Variants in NFIA observed in about 807,000 individuals in gnomAD.
NFIA encodes nuclear factor I A.
NFIA carries 8 observed loss-of-function variants against 62.8 expected under a neutral mutation model. The ratio of observed to expected loss-of-function variants is 0.13; its 90% confidence interval spans 0.07 to 0.23. The LOEUF is 0.23. Among genes scored for constraint, NFIA ranks in the 10% least tolerant of loss-of-function variants. The pLI is 1.00. For synonymous variants in NFIA, 235 were observed against 238.1 expected (o/e 0.99, Z 0.12); for missense variants, 410 against 642.1 (o/e 0.64, Z 3.91).
At chr1:61,197,234 CTTTTTTT>C (rs1002158986) in intron 2 of NFIA, among the ~76,000 whole-genome samples, 1 of 93,388 alleles carries the variant, frequency 1.1e-5, no homozygotes, top group Non-Finnish European at 2.0e-5. Context: ...TACTCTGGTT[CTTTTTTT>C]TTTTTTTTTT....
upstream of NFIA, chr1:61,082,129 C>A: frequency 8.1e-7 from 1 of 1,238,612 alleles, no homozygotes. Context: ...CCTGTGGCAG[C>A]CTATAGCTGC....
At chr1:61,281,220 A>G (rs550189167) in intron 3 of NFIA, among the ~76,000 whole-genome samples, 50 of 151,666 alleles carry the variant, frequency 3.3e-4, no homozygotes, top group Admixed American at 3.9e-4. Flanking sequence ...CCTGGGTGAC[A>G]GAGCAAGACT....
At chr1:61,415,135 G>A (rs1245373315) in intron 9 of NFIA, among the ~76,000 whole-genome samples, 1 of 152,120 alleles carries the variant, frequency 6.6e-6, no homozygotes, top group East Asian at 1.9e-4. Context: ...GATAAGAGTG[G>A]CATTTTATAT....
chr1:61,235,979 G>T lies in NFIA; in HGVS notation c.560-41541G>T, dbSNP rs1476048851. Among the ~76,000 whole-genome samples, 3 of 152,144 alleles carry T rather than the reference G, an allele frequency of 2.0e-5. No individual in the cohort carries two copies. In the East Asian group the frequency reaches 5.8e-4, roughly 29 times the overall value. On this transcript the variant is annotated intron_variant, in intron 2 of 10. Coordinates refer to ENST00000403491, the MANE Select transcript of NFIA (RefSeq NM_001134673.4). ...GCCTGACAATGTGGATGACAGATCAGTGGGGAATGATATGTTATTTACATG... is the reference window on the plus strand; with the variant it reads ...GCCTGACAATGTGGATGACAGATCATTGGGGAATGATATGTTATTTACATG...
chr1:61,211,943 C>T (rs770038551), intron 2 of NFIA, among the ~76,000 whole-genome samples: 32 of 152,254 alleles, frequency 2.1e-4, no homozygotes, highest in African/African-American at 7.0e-4. Flanking sequence ...ACCATCTGCC[C>T]GCCTGGCCTC....
intron 3 of NFIA, among the ~76,000 whole-genome samples, chr1:61,299,411 C>T (rs1440877747): frequency 6.6e-6 from 1 of 152,152 alleles, no homozygotes; most frequent in East Asian, 1.9e-4. Context: ...GAGGCCACTA[C>T]CTCTTTAATT....
intron 2 of NFIA, among the ~76,000 whole-genome samples, chr1:61,255,634 T>A (rs1157539924): frequency 6.6e-6 from 1 of 152,218 alleles, no homozygotes; most frequent in African/African-American, 2.4e-5. Context: ...TCAAAATCTT[T>A]TACGAGTAGA....
At chr1:61,443,321 A>T (rs899949998) in intron 10 of NFIA, among the ~76,000 whole-genome samples, 3 of 152,078 alleles carry the variant, frequency 2.0e-5, no homozygotes, top group Non-Finnish European at 4.4e-5. Flanking sequence ...ATATTAGTTC[A>T]TTTCATCCTC....
Position 61,304,918 on chromosome 1 carries a change from T to G in NFIA, c.625+27333T>G, listed in dbSNP as rs1045560051. Among the ~76,000 whole-genome samples the G allele has an allele frequency of 3.3e-5, 5 of 152,322 alleles. No individual in the cohort carries two copies. In the East Asian group the frequency reaches 9.6e-4, roughly 29 times the overall value. On this transcript the variant is annotated intron_variant, in intron 3 of 10. Transcript: ENST00000403491. ...CATCTGAAAACAGGAATAGTAATAG[T>G]GCTTGTCTCATAGCAGGGGTTAAGG...
chr1:61,452,254 A>AATTATTATTATT (rs57519983), intron 10 of NFIA, among the ~76,000 whole-genome samples: 7 of 148,214 alleles, frequency 4.7e-5, no homozygotes, highest in Admixed American at 2.0e-4. Flanking sequence ...GAGATGTATG[A>AATTATTATTATT]ATTATTATTA....
At chr1:61,149,684 G>A (rs1041747507) in intron 2 of NFIA, among the ~76,000 whole-genome samples, 5 of 152,192 alleles carry the variant, frequency 3.3e-5, no homozygotes, top group African/African-American at 1.2e-4. Context: ...CTGATGGGCT[G>A]TGTGACTTTG....
Position 61,126,809 on chromosome 1 carries a change from A to G in NFIA, c.559+38129A>G, listed in dbSNP as rs183101145. Among the ~76,000 whole-genome samples the G allele has an allele frequency of 1.7e-3, 202 of 120,724 alleles. 2 individuals carry two copies. In the East Asian group the frequency reaches 0.025, roughly 15 times the overall value. The allele number at this position is 120,724 out of a possible 152,430, so 79.2% of individuals were successfully genotyped here. A position where few individuals can be genotyped will look rare whatever the true frequency, so the allele number is the denominator to read the frequency against. On this transcript the variant is annotated intron_variant, in intron 2 of 10. Coordinates refer to ENST00000403491, the MANE Select transcript of NFIA (RefSeq NM_001134673.4). Reference sequence around the variant, plus strand: ...TTTTTTTTTTTTTTTTTTGAAGACAAAGTCTTGCTCTCTTGCCCAGGCTGG... The same window carrying G: ...TTTTTTTTTTTTTTTTTTGAAGACAGAGTCTTGCTCTCTTGCCCAGGCTGG...
chr1:61,436,813 A>G (rs1667350030), intron 10 of NFIA, among the ~76,000 whole-genome samples: 1 of 152,206 alleles, frequency 6.6e-6, no homozygotes, highest in African/African-American at 2.4e-5. Flanking sequence ...AATTTTTCTT[A>G]AGGTCTCACA....
intron 3 of NFIA, among the ~76,000 whole-genome samples, chr1:61,280,532 G>T (rs572860621): frequency 1.7e-3 from 255 of 152,262 alleles, no homozygotes; most frequent in Non-Finnish European, 3.2e-3. Context: ...AATGGGAAAC[G>T]AATGGTATTT....
intron 2 of NFIA, among the ~76,000 whole-genome samples, chr1:61,092,225 G>C (rs1365444304): frequency 1.3e-5 from 2 of 152,170 alleles, no homozygotes; most frequent in Non-Finnish European, 2.9e-5. Flanking sequence ...TCTAACATTA[G>C]AAGTATTTTT....
intron 3 of NFIA, among the ~76,000 whole-genome samples, chr1:61,288,062 A>G (rs544261299): frequency 6.6e-6 from 1 of 152,230 alleles, no homozygotes; most frequent in Non-Finnish European, 1.5e-5. Flanking sequence ...AGGCACAGTC[A>G]ATAGGTACAA....
intron 3 of NFIA, among the ~76,000 whole-genome samples, chr1:61,314,572 T>C (rs1660273074): frequency 6.6e-6 from 1 of 152,220 alleles, no homozygotes; most frequent in African/African-American, 2.4e-5. Flanking sequence ...TCAAAATTAC[T>C]TGAAACCTTC....
intron 3 of NFIA, among the ~76,000 whole-genome samples, chr1:61,284,192 G>A (rs1488459486): frequency 6.6e-6 from 1 of 152,096 alleles, no homozygotes; most frequent in African/African-American, 2.4e-5. Flanking sequence ...CCCAACTCAG[G>A]GAGACATTAA....
At chr1:61,151,421 A>C in intron 2 of NFIA, among the ~76,000 whole-genome samples, 1 of 150,968 alleles carries the variant, frequency 6.6e-6, no homozygotes, top group African/African-American at 2.4e-5. Context: ...AGGTAAGGGA[A>C]GACGATCCAA....
Sources: allele counts gnomAD v4.1 joint callset (sites outside exome capture counted in the v4.1 genomes callset), GRCh38; gene constraint gnomAD v4.1.1; transcripts MANE v1.5; gene names NCBI Gene and HGNC (gene_info 2026-07-23, HGNC 2026-07-21).